CENPO: variants seen among roughly 807,000 people sequenced by gnomAD.
CENPO encodes the protein centromeric protein O.
Under a neutral mutation model 36.1 loss-of-function variants are expected in CENPO, and 30 were observed. The observed-to-expected ratio is 0.83, with a 90% CI of 0.62 to 1.13. CENPO has a LOEUF of 1.13. Ranked by LOEUF, CENPO falls within the 50% of genes most tolerant of loss-of-function variation. The probability of loss-of-function intolerance (pLI) is 0.00; values close to 1 mark genes in which losing one functional copy is unlikely to be tolerated. For synonymous variants in CENPO, 171 were observed against 142.3 expected (o/e 1.20, Z -1.44); for missense variants, 349 against 357.8 (o/e 0.98, Z 0.20).
chr2:24,793,692 C>G (rs1320764834), intron 1 of CENPO, among the ~76,000 whole-genome samples, 160 bp from the exon 2 acceptor site: 2 of 152,124 alleles, frequency 1.3e-5, no homozygotes, highest in Non-Finnish European at 2.9e-5. Context: ...TCTGCTGGCT[C>G]GGACGATGGG....
intron 3 of CENPO, among the ~76,000 whole-genome samples, chr2:24,803,243 C>T (rs567829481): frequency 3.1e-4 from 47 of 151,044 alleles, no homozygotes; most frequent in Middle Eastern, 3.4e-3. Flanking sequence ...GTCTTGCTAG[C>T]GGTCTATCAA....
chr2:24,819,271 A>AG (rs1667161939), intron 7 of CENPO, 83 bp from the exon 8 acceptor site: 1 of 152,720 alleles, frequency 6.5e-6, no homozygotes, highest in African/African-American at 2.4e-5. Flanking sequence ...AGAGCTCAAA[A>AG]GGCAAGGCAA....
Position 24,798,861 on chromosome 2 carries a change from G to A in CENPO, c.47-814G>A, listed in dbSNP as rs186435352. ...TGAATGAGATAAGTTTTTGGATTCC[G>A]TCCCAAGGCAAGGAGAGAAGATTAA... On this transcript the variant is annotated intron_variant, in intron 2 of 7. Transcript: ENST00000380834. Among the ~76,000 whole-genome samples, 369 of 151,996 alleles carry A rather than the reference G, an allele frequency of 2.4e-3. 1 individual carries two copies. The highest frequency in any genetic ancestry group is 8.5e-3 in the African/African-American group (352 of 41,434).
At chr2:24,808,076 A>G (rs1179614606) in intron 3 of CENPO, among the ~76,000 whole-genome samples, 1 of 152,118 alleles carries the variant, frequency 6.6e-6, no homozygotes. Context: ...TCACTCTCTA[A>G]TGGTGTCTTG....
chr2:24,814,545 T>C, intron 4 of CENPO, 52 bp downstream of exon 4: 1 of 835,380 alleles, frequency 1.2e-6, no homozygotes, highest in Non-Finnish European at 2.1e-6. Flanking sequence ...TCTAGTGAGT[T>C]AGTTTGCTAG....
intron 7 of CENPO, among the ~76,000 whole-genome samples, chr2:24,818,202 C>CTAAT (rs1667050394): frequency 6.6e-6 from 1 of 152,166 alleles, no homozygotes; most frequent in Non-Finnish European, 1.5e-5. Flanking sequence ...GTAACTGCTA[C>CTAAT]TAATTTAATG....
chr2:24,818,592 A>G (rs535584560), intron 7 of CENPO, among the ~76,000 whole-genome samples: 12 of 152,152 alleles, frequency 7.9e-5, no homozygotes, highest in Non-Finnish European at 1.6e-4. Flanking sequence ...TTTGTTTCCT[A>G]AAAGTTTAGT....
chr2:24,806,789 C>G (rs1268031125), intron 3 of CENPO, among the ~76,000 whole-genome samples: 2 of 152,104 alleles, frequency 1.3e-5, no homozygotes, highest in Admixed American at 1.3e-4. Flanking sequence ...GTCATCCAGA[C>G]TCAACCTCCT....
At chr2:24,815,835 T>C (rs978598087) in intron 5 of CENPO, 79 bp downstream of exon 5, 1 of 1,385,008 alleles carries the variant, frequency 7.2e-7, no homozygotes, top group African/African-American at 1.4e-5. Context: ...GTATTTTCAG[T>C]GTTTCCTAAC....
Position 24,811,484 on chromosome 2 carries a change from C to T in CENPO, c.217-2892C>T, listed in dbSNP as rs1277366980. Among the ~76,000 whole-genome samples the T allele has an allele frequency of 3.1e-4, 46 of 147,854 alleles. No homozygotes were observed. The South Asian group carries it at 3.4e-3, about 11-fold the overall frequency. On this transcript the variant is annotated intron_variant, in intron 3 of 7. Transcript: ENST00000380834. ...TTGTTTTTTGTTTTTTTTTTTGAGA[C>T]GGAGTCTCGCTCTGTCGCCCAGGCT...
chr2:24,800,064 C>T (rs142532320), intron 3 of CENPO, among the ~76,000 whole-genome samples: 12 of 152,272 alleles, frequency 7.9e-5, no homozygotes, highest in East Asian at 5.8e-4. Context: ...GCAGGCCTAT[C>T]GCCTGTGGTC....
At position 24,820,946 on chromosome 2, in the gene CENPO, A is replaced by C; in HGVS notation, c.*1628A>C. 2 of 1,493,150 alleles carry C rather than the reference A, an allele frequency of 1.3e-6. No individual in the cohort carries two copies. Among genetic ancestry groups the C allele is most frequent in the Non-Finnish European group, 1.8e-6 (2 of 1,099,888 alleles). 92.5% of individuals were successfully genotyped at this position (1,493,150 alleles called of 1,614,324 possible). ...TCCAGACCTGTACCACAAAGCTCCT[A>C]ATGTAACACATCATTGTCCTCATTC... is the stretch of plus-strand genomic sequence containing the variant. On this transcript the variant is annotated 3_prime_UTR_variant, in exon 8 of 8. Coordinates refer to ENST00000380834, the MANE Select transcript of CENPO (RefSeq NM_001322101.2).
At chr2:24,812,599 G>A (rs1666746756) in intron 3 of CENPO, among the ~76,000 whole-genome samples, 1 of 151,766 alleles carries the variant, frequency 6.6e-6, no homozygotes, top group Admixed American at 6.6e-5. Context: ...TTTTTTCTCT[G>A]TACTTTAATC....
At chr2:24,796,890 G>A (rs948064446) in intron 2 of CENPO, among the ~76,000 whole-genome samples, 2 of 152,078 alleles carry the variant, frequency 1.3e-5, no homozygotes, top group Admixed American at 6.6e-5. Context: ...GACGCTGGGC[G>A]GGTTTGAGAG....
At chr2:24,800,054 G>A (rs556595373) in intron 3 of CENPO, among the ~76,000 whole-genome samples, 4 of 152,320 alleles carry the variant, frequency 2.6e-5, no homozygotes, top group Middle Eastern at 3.4e-3. Context: ...GAAAGGCGAG[G>A]CAGGCCTATC....
In CENPO at chr2:24,821,821, C is replaced by A; in HGVS notation, c.*2503C>A. ...TCTGACTTGCCACTGTGACAAAGTT[C>A]ACGTAGCAGGTCTAGGCAAAGACTG... On this transcript the variant is annotated 3_prime_UTR_variant, in exon 8 of 8. Transcript: ENST00000380834. The A allele has an allele frequency of 1.2e-6, 1 of 862,026 alleles. No individual in the cohort carries two copies. Among genetic ancestry groups the A allele is most frequent in the Non-Finnish European group, 1.7e-6 (1 of 577,058 alleles). The allele number at this position is 862,026 out of a possible 1,614,324, so 53.4% of individuals were successfully genotyped here.
At chr2:24,805,094 G>A (rs4665723) in intron 3 of CENPO, among the ~76,000 whole-genome samples, 141,808 of 152,164 alleles carry the variant, frequency 0.93, 66,187 homozygotes, top group East Asian at 0.99. Context: ...CATCACTGAT[G>A]CCCTTTCTTC....
intron 2 of CENPO, among the ~76,000 whole-genome samples, chr2:24,796,227 G>T (rs897170651): frequency 2.0e-5 from 3 of 152,136 alleles, no homozygotes. Flanking sequence ...CGTGGTGCAT[G>T]CCTGTAGTCC....
chr2:24,808,608 G>A (rs1289131193), intron 3 of CENPO, among the ~76,000 whole-genome samples: 1 of 152,072 alleles, frequency 6.6e-6, no homozygotes, highest in East Asian at 1.9e-4. Context: ...CATATATTAA[G>A]GGAATCATAT....
Sources: allele counts gnomAD v4.1 joint callset (sites outside exome capture counted in the v4.1 genomes callset), GRCh38; gene constraint gnomAD v4.1.1; transcripts MANE v1.5; gene names NCBI Gene and HGNC (gene_info 2026-07-23, HGNC 2026-07-21).